Variants in PDGFRA observed in about 807,000 individuals in gnomAD.
PDGFRA encodes the protein platelet derived growth factor receptor alpha.
In PDGFRA, 25 loss-of-function variants were observed where a neutral mutation model predicts 121.5. The observed-to-expected ratio is 0.21, with a 90% CI of 0.15 to 0.29. The LOEUF is 0.29. PDGFRA is among the 10% of genes least tolerant of loss of function. PDGFRA has a pLI of 1.00. For missense variants in PDGFRA, 1,008 were observed against 1,345.1 expected (o/e 0.75, Z 3.92); for synonymous variants, 463 against 494.8 (o/e 0.94, Z 0.85).
At chr4:54,261,929 A>T (rs1166666684) in intron 3 of PDGFRA, among the ~76,000 whole-genome samples, 1,130 of 60,342 alleles carry the variant, frequency 0.019, 12 homozygotes, top group African/African-American at 0.041. Flanking sequence ...ATATATATAT[A>T]TATTTTTTTT....
intron 22 of PDGFRA, among the ~76,000 whole-genome samples, chr4:54,290,812 T>G (rs1724593984): frequency 1.3e-5 from 2 of 152,202 alleles, no homozygotes; most frequent in Admixed American, 6.5e-5. Flanking sequence ...ATCTTTGAGC[T>G]AAATTCTCAG....
At chr4:54,282,763 C>G (rs373128051) in intron 16 of PDGFRA, among the ~76,000 whole-genome samples, 12 of 152,326 alleles carry the variant, frequency 7.9e-5, no homozygotes, top group Admixed American at 3.3e-4. Flanking sequence ...AGGCAGGTCC[C>G]TTCCACCTAT....
intron 1 of PDGFRA, among the ~76,000 whole-genome samples, chr4:54,257,805 G>T (rs1722455476): frequency 6.6e-6 from 1 of 152,088 alleles, no homozygotes; most frequent in African/African-American, 2.4e-5. Context: ...TCCCTTCAGT[G>T]GTTTTACCCC....
chr4:54,264,518 G>A (rs1722926954), intron 4 of PDGFRA: 1 of 286,110 alleles, frequency 3.5e-6, no homozygotes, highest in African/African-American at 2.3e-5. Flanking sequence ...GAGGAGCAGA[G>A]TGGAAGAGAA....
intron 7 of PDGFRA, among the ~76,000 whole-genome samples, chr4:54,269,292 C>A (rs1259706192): frequency 2.0e-5 from 3 of 152,232 alleles, no homozygotes; most frequent in South Asian, 2.1e-4. Context: ...CACATACAAT[C>A]TCCTTTAATT....
chr4:54,236,717 C>T (rs1192600196), intron 1 of PDGFRA, among the ~76,000 whole-genome samples: 1 of 151,908 alleles, frequency 6.6e-6, no homozygotes, highest in Admixed American at 6.6e-5. Flanking sequence ...ACAGGAGAAT[C>T]GCTTGAACTT....
At chr4:54,274,729 T>C (rs1723616845) in intron 11 of PDGFRA, 104 bp downstream of exon 11, 1 of 1,441,960 alleles carries the variant, frequency 6.9e-7, no homozygotes, top group Admixed American at 1.7e-5. Context: ...CAATTACATG[T>C]GGAGTGAACG....
chr4:54,282,833 T>C (rs1283932693), intron 16 of PDGFRA, among the ~76,000 whole-genome samples: 1 of 152,224 alleles, frequency 6.6e-6, no homozygotes, highest in Admixed American at 6.5e-5. Context: ...TTATAGGCAT[T>C]GGGTCAACAT....
chr4:54,264,864 A>G, intron 4 of PDGFRA, 55 bp from the exon 5 acceptor site: 2 of 1,515,572 alleles, frequency 1.3e-6, no homozygotes, highest in South Asian at 1.2e-5. Flanking sequence ...CAAACTTTAT[A>G]AGATCCTGGC....
chr4:54,229,638 T>G (rs2110158877), intron 1 of PDGFRA, among the ~76,000 whole-genome samples: 1 of 152,300 alleles, frequency 6.6e-6, no homozygotes, highest in African/African-American at 2.4e-5. Flanking sequence ...GGTATTTTTT[T>G]TAAACACACA....
At chr4:54,236,541 C>T (rs907414672) in intron 1 of PDGFRA, among the ~76,000 whole-genome samples, 6 of 152,202 alleles carry the variant, frequency 3.9e-5, no homozygotes, top group East Asian at 1.9e-4. Context: ...CAGTGGCTCA[C>T]GCCTGTAATC....
chr4:54,277,280 C>G (rs571797717), intron 12 of PDGFRA, 108 bp from the exon 13 acceptor site: 12 of 797,936 alleles, frequency 1.5e-5, no homozygotes, highest in Non-Finnish European at 2.5e-5. Context: ...TTACTCCAAA[C>G]AGGAAAGACA....
At chr4:54,253,491 G>A (rs1025859852) in intron 1 of PDGFRA, among the ~76,000 whole-genome samples, 3 of 152,164 alleles carry the variant, frequency 2.0e-5, no homozygotes, top group Non-Finnish European at 4.4e-5. Context: ...TCACCTGCCT[G>A]AGAGTCAACA....
chr4:54,279,113 CA>C, intron 15 of PDGFRA: 1 of 293,532 alleles, frequency 3.4e-6, no homozygotes, highest in South Asian at 3.0e-5. Context: ...AAGTTCCAAC[CA>C]AGGCTTGTGA....
At chr4:54,240,122 G>A (rs1309577009) in intron 1 of PDGFRA, 1 of 374,550 alleles carries the variant, frequency 2.7e-6, no homozygotes, top group Non-Finnish European at 5.6e-6. Flanking sequence ...CAAGGTACTG[G>A]GATTATAGGT....
intron 22 of PDGFRA, among the ~76,000 whole-genome samples, chr4:54,294,594 C>G (rs983336488): frequency 6.6e-6 from 1 of 151,940 alleles, no homozygotes; most frequent in African/African-American, 2.4e-5. Context: ...AGCCACTTCT[C>G]TAGTACGTAA....
In PDGFRA at chr4:54,260,610, G is replaced by A. The variant is rs116978278; in HGVS notation, c.50-485G>A. ...TTTTGTGGAGACCAGGTCTCACTAC[G>A]TTGCCCAGGCTGGTCTCGAACTCCT... On this transcript the variant is annotated intron_variant, in intron 2 of 22. Transcript: ENST00000257290. Among the ~76,000 whole-genome samples the A allele has an allele frequency of 1.3e-3, 203 of 151,624 alleles. 5 individuals are homozygous for A. The East Asian group carries it at 0.031, about 24-fold the overall frequency.
At chr4:54,291,065 G>A (rs1181432427) in intron 22 of PDGFRA, among the ~76,000 whole-genome samples, 1 of 152,128 alleles carries the variant, frequency 6.6e-6, no homozygotes, top group East Asian at 1.9e-4. Context: ...CTCCCTGGCT[G>A]ATTTGTTTCT....
intron 1 of PDGFRA, among the ~76,000 whole-genome samples, chr4:54,254,751 C>A (rs767268785): frequency 1.3e-5 from 2 of 152,170 alleles, no homozygotes; most frequent in Non-Finnish European, 2.9e-5. Flanking sequence ...TGTGGTAAAT[C>A]AGGCTGGCCA....
Sources: gnomAD v4.1 joint callset for allele counts (sites outside exome capture counted in the v4.1 genomes callset) on GRCh38, gnomAD v4.1.1 for gene constraint, MANE v1.5 for transcripts, NCBI Gene and HGNC (gene_info 2026-07-23, HGNC 2026-07-21) for gene names.